Variants in CEP162 observed in about 807,000 individuals in gnomAD.
The protein encoded by CEP162 is centrosomal protein 162, also known as centrosomal protein of 162 kDa.
In CEP162, 141 loss-of-function variants were observed where a neutral mutation model predicts 169.2. The observed-to-expected ratio is 0.83, with a 90% confidence interval of 0.73 to 0.96. The LOEUF is 0.96. CEP162 is among the 40% of genes least tolerant of loss of function. The probability of loss-of-function intolerance (pLI) is 0.00; values close to 1 mark genes in which losing one functional copy is unlikely to be tolerated. For synonymous variants in CEP162, 540 were observed against 526.4 expected, an observed-to-expected ratio of 1.03 and a Z score of -0.35; for missense variants, 1,600 against 1,587.2, an observed-to-expected ratio of 1.01 and a Z score of -0.14.
Position 84,193,631 on chromosome 6 carries a change from C to G in CEP162, c.1087G>C (p.Gly363Arg). 1 of 1,562,472 alleles carries G rather than the reference C, an allele frequency of 6.4e-7. No homozygotes were observed. Among genetic ancestry groups the G allele is most frequent in the African/African-American group, 1.4e-5 (1 of 73,610 alleles). Residue 363 changes from glycine (G) to arginine (R), a missense_variant, in exon 11 of 27, where the codon GGT (glycine) becomes CGT (arginine). Transcript: ENST00000403245. ...TACCTGACAGGTTGTAAATCAAAAC[C>G]ACTGATCCCAAAGGAATCTATTCTG... ...PIRIDSFGIS[G>R]FDLQPVSSEK... is the part of the protein sequence containing the mutation.
intron 9 of CEP162, among the ~76,000 whole-genome samples, chr6:84,196,154 T>C (rs182034302): frequency 6.6e-6 from 1 of 152,290 alleles, no homozygotes; most frequent in African/African-American, 2.4e-5. Context: ...TCATGTGTCA[T>C]GGGAGGGACC....
intron 11 of CEP162, among the ~76,000 whole-genome samples, chr6:84,187,398 A>G (rs921336184): frequency 7.9e-5 from 12 of 152,172 alleles, no homozygotes; most frequent in African/African-American, 2.7e-4. Context: ...AGAGGCTACC[A>G]TTTTCATATA....
At chr6:84,154,179 G>A (rs1294306621) in intron 22 of CEP162, among the ~76,000 whole-genome samples, 3 of 152,102 alleles carry the variant, frequency 2.0e-5, no homozygotes. Flanking sequence ...ACAAGTTAGG[G>A]TGTTTAGATT....
chr6:84,174,268 C>CTGT, intron 15 of CEP162, 80 bp from the exon 16 acceptor site: 1 of 1,107,158 alleles, frequency 9.0e-7, no homozygotes, highest in Non-Finnish European at 1.3e-6. Flanking sequence ...CAGGAAACTC[C>CTGT]TATTTAGATC....
At chr6:84,177,241 C>A (rs190991733) in intron 13 of CEP162, among the ~76,000 whole-genome samples, 290 of 152,258 alleles carry the variant, frequency 1.9e-3, no homozygotes, top group Middle Eastern at 6.8e-3. Flanking sequence ...ACTACATTGA[C>A]TATTTATTGA....
In CEP162 at chr6:84,215,335, T is replaced by A. The variant is rs369952004; in HGVS notation, c.450A>T (p.Arg150Ser). The A allele has an allele frequency of 6.2e-6, 10 of 1,602,264 alleles. No individual in the cohort carries two copies. The African/African-American group carries it at 1.3e-4, about 21-fold the overall frequency. Residue 150 changes from arginine to serine, a missense_variant, in exon 5 of 27, where the codon AGA becomes AGT. Physicochemically the swap from Arg to Ser is moderately radical, Grantham distance 110 (BLOSUM62 -1). Transcript: ENST00000403245. The stretch of plus-strand genomic sequence containing the variant: ...CATTAGAATCCAATTCCTTATTTAA[T>A]CTCGAATAATCAATGGAAGATGTCA... Reference protein sequence around the residue: ...KGLTSSIDYSRLNKELDSNDS... With the variant: ...KGLTSSIDYSSLNKELDSNDS...
intron 11 of CEP162, 41 bp from the exon 12 acceptor site, chr6:84,186,664 A>G: frequency 6.6e-7 from 1 of 1,510,488 alleles, no homozygotes; most frequent in Non-Finnish European, 8.9e-7. Flanking sequence ...ACCCTATGTA[A>G]CAGCTTTTCA....
chr6:84,183,843 T>C (rs2099535933), intron 13 of CEP162, among the ~76,000 whole-genome samples: 1 of 152,198 alleles, frequency 6.6e-6, no homozygotes, highest in African/African-American at 2.4e-5. Flanking sequence ...TCACTAACTT[T>C]AATTAGACTG....
chr6:84,221,195 A>T (rs1335252862), intron 2 of CEP162, 24 bp from the exon 3 acceptor site: 1 of 1,110,514 alleles, frequency 9.0e-7, no homozygotes, highest in South Asian at 1.3e-5. Context: ...AAGACATTCA[A>T]TTTGAAAATA....
Position 84,213,014 on chromosome 6 carries a change from T to A in CEP162, c.514A>T (p.Asn172Tyr), listed in dbSNP as rs1182908576. ...TGTTCGTCATCAGTTAGTTCTGCGTTGGCTTGATTACTGGAAAAAATATTT... is the reference window on the plus strand; with the variant it reads ...TGTTCGTCATCAGTTAGTTCTGCGTAGGCTTGATTACTGGAAAAAATATTT... ...HFKALHSNQA[N>Y]AELTDDEHEN... Residue 172 changes from asparagine (N) to tyrosine (Y), a missense_variant, in exon 6 of 27, where the codon AAC becomes TAC. By Grantham distance (143) the Asn-to-Tyr change is moderately radical. Coordinates refer to ENST00000403245, the MANE Select transcript of CEP162 (RefSeq NM_014895.4). 1 of 1,542,384 alleles carries A rather than the reference T, an allele frequency of 6.5e-7. No individual in the cohort carries two copies. The highest frequency in any genetic ancestry group is 8.8e-7 in the Non-Finnish European group (1 of 1,138,548).
At position 84,163,387 on chromosome 6, in the gene CEP162, C is replaced by A. The variant is rs1185429319; in HGVS notation, c.2386-117G>T. ...GCAAAATATTTTCTCTAAATTTTAG[C>A]TCTGATGTTATTACTACCACCTGCC... On this transcript the variant is annotated intron_variant, in intron 18 of 26. Coordinates refer to ENST00000403245, the MANE Select transcript of CEP162 (RefSeq NM_014895.4). The A allele has an allele frequency of 6.6e-6, 5 of 756,104 alleles. No individual in the cohort carries two copies. The African/African-American group carries it at 8.8e-5, about 13-fold the overall frequency. The allele number at this position is 756,104 out of a possible 1,614,324, so 46.8% of individuals were successfully genotyped here.
chr6:84,149,765 T>C (rs2099520415), intron 23 of CEP162, 62 bp from the exon 24 acceptor site: 6 of 1,364,188 alleles, frequency 4.4e-6, no homozygotes, highest in Non-Finnish European at 5.8e-6. Flanking sequence ...AATTCAGAGT[T>C]AGCACAAAAA....
At chr6:84,176,635 A>G (rs901495704) in intron 13 of CEP162, among the ~76,000 whole-genome samples, 6 of 152,226 alleles carry the variant, frequency 3.9e-5, no homozygotes, top group Non-Finnish European at 7.3e-5. Flanking sequence ...AAATGCTTAC[A>G]GGAACGTTTA....
intron 21 of CEP162, among the ~76,000 whole-genome samples, chr6:84,159,717 A>C (rs1401221929): frequency 6.6e-6 from 1 of 150,558 alleles, no homozygotes; most frequent in African/African-American, 2.4e-5. Context: ...GGTGTGCACC[A>C]CCAAGCCCAG....
At chr6:84,213,449 T>TC (rs1451294111) in intron 5 of CEP162, among the ~76,000 whole-genome samples, 1 of 152,176 alleles carries the variant, frequency 6.6e-6, no homozygotes, top group Non-Finnish European at 1.5e-5. Flanking sequence ...AGCAATTTAA[T>TC]CCTGAAACAG....
chr6:84,154,518 T>C (rs1050596214), intron 22 of CEP162, among the ~76,000 whole-genome samples: 4 of 152,160 alleles, frequency 2.6e-5, no homozygotes, highest in African/African-American at 9.7e-5. Flanking sequence ...AATCTAATGT[T>C]CTGTCATTTG....
intron 13 of CEP162, among the ~76,000 whole-genome samples, chr6:84,180,062 T>C (rs918170047): frequency 6.6e-6 from 1 of 152,122 alleles, no homozygotes; most frequent in South Asian, 2.1e-4. Flanking sequence ...TTTAGACCAA[T>C]GCCCCTGATG....
intron 13 of CEP162, among the ~76,000 whole-genome samples, chr6:84,175,814 T>C (rs928867381): frequency 1.4e-4 from 21 of 152,172 alleles, no homozygotes; most frequent in Admixed American, 2.0e-4. Context: ...CATGATATTA[T>C]AGTATCAATG....
At chr6:84,208,019 ATT>A (rs375738078) in intron 6 of CEP162, among the ~76,000 whole-genome samples, 28 of 132,800 alleles carry the variant, frequency 2.1e-4, no homozygotes, top group Admixed American at 3.0e-4. Context: ...AGGTTGATTG[ATT>A]TTTTTTTTTT....
Sources: gnomAD v4.1 joint callset for allele counts (sites outside exome capture counted in the v4.1 genomes callset) on GRCh38, gnomAD v4.1.1 for gene constraint, MANE v1.5 for transcripts, NCBI Gene and HGNC (gene_info 2026-07-23, HGNC 2026-07-21) for gene names.